The following SCUBE1 variants were observed in gnomAD, a reference collection of about 807,000 sequenced individuals.
The protein encoded by SCUBE1 is signal peptide, CUB domain and EGF like domain containing 1, also known as signal peptide, CUB and EGF-like domain-containing protein 1.
In SCUBE1, 59 loss-of-function variants were observed where a neutral mutation model predicts 124.4. The ratio of observed to expected loss-of-function variants is 0.47; its 90% CI spans 0.38 to 0.59. The LOEUF (loss-of-function observed/expected upper bound fraction) is 0.59. SCUBE1 is among the 20% of genes least tolerant of loss of function. The pLI is 0.00. For synonymous variants in SCUBE1, 545 were observed against 550.9 expected (o/e 0.99, Z 0.15); for missense variants, 1,150 against 1,371.2 (o/e 0.84, Z 2.55).
chr22:43,302,533 G>T (rs1320328656), intron 3 of SCUBE1, among the ~76,000 whole-genome samples: 1 of 152,162 alleles, frequency 6.6e-6, no homozygotes, highest in Non-Finnish European at 1.5e-5. Context: ...GGCACTCTTT[G>T]TTACAGTTAT....
chr22:43,238,465 C>G, intron 7 of SCUBE1: 1 of 558,398 alleles, frequency 1.8e-6, no homozygotes, highest in South Asian at 2.3e-5. Flanking sequence ...TTCGGAAACG[C>G]GCTACATTCT....
At chr22:43,256,452 C>A (rs927250198) in intron 6 of SCUBE1, among the ~76,000 whole-genome samples, 2 of 151,790 alleles carry the variant, frequency 1.3e-5, no homozygotes, top group Admixed American at 1.3e-4. Flanking sequence ...GAACAGTGGG[C>A]GAAGGCAGGT....
chr22:43,207,173 G>A (rs1921325489), intron 21 of SCUBE1, among the ~76,000 whole-genome samples: 1 of 152,184 alleles, frequency 6.6e-6, no homozygotes, highest in Non-Finnish European at 1.5e-5. Context: ...GGCTCCAAGT[G>A]ACAATGGCAC....
chr22:43,241,980 T>C (rs1923024124), intron 6 of SCUBE1, among the ~76,000 whole-genome samples: 1 of 152,232 alleles, frequency 6.6e-6, no homozygotes, highest in Admixed American at 6.5e-5. Context: ...GCCTCTTGCC[T>C]GGGGCTCCAT....
intron 4 of SCUBE1, among the ~76,000 whole-genome samples, chr22:43,274,868 G>T (rs1298314496): frequency 6.6e-6 from 1 of 152,234 alleles, no homozygotes; most frequent in South Asian, 2.1e-4. Flanking sequence ...GGGCGGCAGC[G>T]GGTACTTCTC....
At chr22:43,294,637 C>T (rs1000100475) in intron 3 of SCUBE1, among the ~76,000 whole-genome samples, 4 of 152,344 alleles carry the variant, frequency 2.6e-5, no homozygotes, top group Middle Eastern at 3.4e-3. Flanking sequence ...AGCCTGTGGG[C>T]GATGCCCAGG....
At chr22:43,226,224 GAC>G (rs1922295682) in intron 10 of SCUBE1, among the ~76,000 whole-genome samples, 3 of 152,190 alleles carry the variant, frequency 2.0e-5, no homozygotes, top group African/African-American at 4.8e-5. Flanking sequence ...GAGATGGACA[GAC>G]AGACAGACAT....
At chr22:43,230,574 C>A (rs1163312960) in intron 8 of SCUBE1, among the ~76,000 whole-genome samples, 1 of 152,218 alleles carries the variant, frequency 6.6e-6, no homozygotes, top group African/African-American at 2.4e-5. Flanking sequence ...CAGCCCTCTG[C>A]AGAAGAACTT....
intron 2 of SCUBE1, among the ~76,000 whole-genome samples, chr22:43,321,645 G>A (rs1319227444): frequency 6.6e-6 from 1 of 152,226 alleles, no homozygotes; most frequent in African/African-American, 2.4e-5. Context: ...AAGTAGCCTG[G>A]GCTGGGTCAC....
At chr22:43,279,440 G>T (rs1037896227) in intron 4 of SCUBE1, among the ~76,000 whole-genome samples, 2 of 152,250 alleles carry the variant, frequency 1.3e-5, no homozygotes, top group Non-Finnish European at 2.9e-5. Context: ...GAGTAAGCAT[G>T]TGCTACGGTC....
At chr22:43,298,438 T>C (rs956365573) in intron 3 of SCUBE1, among the ~76,000 whole-genome samples, 1 of 152,120 alleles carries the variant, frequency 6.6e-6, no homozygotes, top group Non-Finnish European at 1.5e-5. Flanking sequence ...ATGAGGCGCA[T>C]GAATGGTAAG....
chr22:43,224,316 G>C (rs1040299479), intron 10 of SCUBE1, among the ~76,000 whole-genome samples: 1 of 152,244 alleles, frequency 6.6e-6, no homozygotes, highest in Non-Finnish European at 1.5e-5. Context: ...TGACTGCTTT[G>C]TTAGCAAGTG....
In SCUBE1 at chr22:43,234,108, G is replaced by A. The variant is rs1016222182; in HGVS notation, c.845-2233C>T. On this transcript the variant is annotated intron_variant, in intron 7 of 21. Coordinates refer to ENST00000360835, the MANE Select transcript of SCUBE1 (RefSeq NM_173050.5). The surrounding 1 kb of genome is among the most constrained non-coding windows in gnomAD (Gnocchi z 4.4). ...AGAAAGAGATATGAAGCCCAGCTGT[G>A]CTGGTCCAGGGCGGAGGCTTAGGAA... 2.0e-5 allele frequency among the ~76,000 whole-genome samples: 3 copies of A among 152,002 alleles called. No homozygotes were observed. The highest frequency in any genetic ancestry group is 6.6e-5 in the Admixed American group (1 of 15,258).
At chr22:43,293,225 G>A (rs532534141) in intron 3 of SCUBE1, among the ~76,000 whole-genome samples, 74 of 152,328 alleles carry the variant, frequency 4.9e-4, no homozygotes, top group African/African-American at 1.7e-3. Flanking sequence ...ACAACACAAA[G>A]CAAACATCTG....
intron 4 of SCUBE1, among the ~76,000 whole-genome samples, chr22:43,287,714 T>G (rs1423450408): frequency 1.3e-5 from 2 of 152,220 alleles, no homozygotes; most frequent in African/African-American, 4.8e-5. Context: ...GGAATCTAAT[T>G]TGCCAAATGG....
chr22:43,203,772 A>C lies in SCUBE1; in HGVS notation c.*225T>G. ...GAGGGCGCTCTTGGTGTCCTGGGGA[A>C]GGGAGGCAGAGGGAGGGAGGGAGGC... is the stretch of plus-strand genomic sequence containing the variant. On this transcript the variant is annotated 3_prime_UTR_variant, in exon 22 of 22. Transcript: ENST00000360835. The C allele has an allele frequency of 7.6e-6, 4 of 526,664 alleles. No individual in the cohort carries two copies. The highest frequency in any genetic ancestry group is 3.3e-5 in the East Asian group (1 of 29,960). 32.6% of individuals were successfully genotyped at this position (526,664 alleles called of 1,614,324 possible).
At chr22:43,274,441 C>T (rs1244008584) in intron 4 of SCUBE1, among the ~76,000 whole-genome samples, 1 of 152,232 alleles carries the variant, frequency 6.6e-6, no homozygotes, top group Non-Finnish European at 1.5e-5. Context: ...TAAAGGAAGC[C>T]ATGGCGGACG....
intron 7 of SCUBE1, chr22:43,232,126 CA>C (rs1232228062): frequency 1.7e-4 from 86 of 516,738 alleles, no homozygotes; most frequent in Admixed American, 6.6e-4. Context: ...TGAGACTTGG[CA>C]AGCCTGGGAT....
At position 43,203,877 on chromosome 22, in the gene SCUBE1, C is replaced by G. The variant is rs1601788843; in HGVS notation, c.*120G>C. ...CGGTCTCCATGGGCTGGTCGGCTTC[C>G]CTGAAGGGCAGTGCCATGGGGTTCC... On this transcript the variant is annotated 3_prime_UTR_variant, in exon 22 of 22. Transcript: ENST00000360835. 1 of 1,110,808 alleles carries G rather than the reference C, an allele frequency of 9.0e-7. No individual in the cohort carries two copies. Among genetic ancestry groups the G allele is most frequent in the Middle Eastern group, 3.0e-4 (1 of 3,362 alleles). 68.8% of individuals were successfully genotyped at this position (1,110,808 alleles called of 1,614,324 possible).
Sources: allele counts gnomAD v4.1 joint callset (sites outside exome capture counted in the v4.1 genomes callset), GRCh38; gene constraint gnomAD v4.1.1; non-coding constraint Gnocchi (gnomAD v3.1); transcripts MANE v1.5; gene names NCBI Gene and HGNC (gene_info 2026-07-23, HGNC 2026-07-21).